The following TAS2R1 variants were observed in gnomAD, a reference collection of about 807,000 sequenced individuals.
TAS2R1 encodes the protein taste 2 receptor member 1, also known as taste receptor type 2 member 1.
For synonymous variants in TAS2R1, 141 were observed against 134.2 expected (o/e 1.05, Z -0.35); for missense variants, 370 against 353.4 (o/e 1.05, Z -0.38).
At chr5:9,857,980 G>A in the TAS2R1 span, among the ~76,000 whole-genome samples, 1 of 152,160 alleles carries the variant, frequency 6.6e-6, no homozygotes, top group Non-Finnish European at 1.5e-5. Flanking sequence ...GGGCCATGGG[G>A]GGTATTCTAG....
chr5:9,800,462 G>A, the TAS2R1 span, among the ~76,000 whole-genome samples: 3 of 152,156 alleles, frequency 2.0e-5, no homozygotes, highest in Non-Finnish European at 4.4e-5. Flanking sequence ...ATGGGAGGTG[G>A]TGAAATACAC....
the TAS2R1 span, among the ~76,000 whole-genome samples, chr5:9,794,168 G>A: frequency 6.6e-6 from 1 of 152,132 alleles, no homozygotes; most frequent in Non-Finnish European, 1.5e-5. Flanking sequence ...GCATATTAGA[G>A]CATGGGACTT....
At chr5:9,898,777 C>T in the TAS2R1 span, among the ~76,000 whole-genome samples, 1 of 152,178 alleles carries the variant, frequency 6.6e-6, no homozygotes, top group Admixed American at 6.5e-5. Flanking sequence ...CTGGGCCCTC[C>T]AGATTCCTGC....
At chr5:9,753,626 C>T in the TAS2R1 span, among the ~76,000 whole-genome samples, 3 of 152,078 alleles carry the variant, frequency 2.0e-5, no homozygotes, top group African/African-American at 7.2e-5. Context: ...CTTGCCCATG[C>T]CTATGTCCTG....
chr5:9,701,044 A>G (rs1448268495), intron 1 of TAS2R1, among the ~76,000 whole-genome samples: 2 of 141,772 alleles, frequency 1.4e-5, no homozygotes. Flanking sequence ...TTCTCAAAAA[A>G]ATGATGGAGT....
At chr5:9,848,024 A>G in the TAS2R1 span, among the ~76,000 whole-genome samples, 2 of 152,152 alleles carry the variant, frequency 1.3e-5, no homozygotes, top group African/African-American at 4.8e-5. Context: ...GTGTTTGAAC[A>G]CTCCCTCCAG....
chr5:9,869,148 C>T, the TAS2R1 span, among the ~76,000 whole-genome samples: 4 of 152,292 alleles, frequency 2.6e-5, no homozygotes, highest in South Asian at 8.3e-4. Flanking sequence ...TACCCAGTTC[C>T]AAAGTCACTT....
At chr5:9,723,919 T>C in the TAS2R1 span, among the ~76,000 whole-genome samples, 1 of 151,574 alleles carries the variant, frequency 6.6e-6, no homozygotes, top group Non-Finnish European at 1.5e-5. Context: ...AGAGGGCTCT[T>C]TCTTTGTTCT....
chr5:9,887,847 G>A, the TAS2R1 span, among the ~76,000 whole-genome samples: 1 of 152,142 alleles, frequency 6.6e-6, no homozygotes, highest in African/African-American at 2.4e-5. Context: ...GGGTCAATTT[G>A]CCTGACAAGA....
the TAS2R1 span, among the ~76,000 whole-genome samples, chr5:9,863,920 T>C: frequency 2.0e-5 from 3 of 152,196 alleles, no homozygotes; most frequent in African/African-American, 4.8e-5. Context: ...TGTACTCAAC[T>C]AATGGCTAAG....
chr5:9,702,244 T>C (rs893208298), intron 1 of TAS2R1, among the ~76,000 whole-genome samples: 3 of 152,224 alleles, frequency 2.0e-5, no homozygotes, highest in East Asian at 3.8e-4. Flanking sequence ...TCATTAACTA[T>C]GTATTTATTA....
chr5:9,829,524 T>C, the TAS2R1 span, among the ~76,000 whole-genome samples: 2 of 152,244 alleles, frequency 1.3e-5, no homozygotes, highest in Non-Finnish European at 2.9e-5. Flanking sequence ...GATCTCCTCT[T>C]GACCAAATTA....
At chr5:9,686,882 A>C (rs1186656414) in intron 1 of TAS2R1, among the ~76,000 whole-genome samples, 1 of 152,236 alleles carries the variant, frequency 6.6e-6, no homozygotes, top group Non-Finnish European at 1.5e-5. Context: ...ACAGAAAATG[A>C]CTATAGAAGT....
chr5:9,813,153 G>A, the TAS2R1 span, among the ~76,000 whole-genome samples: 1 of 152,124 alleles, frequency 6.6e-6, no homozygotes, highest in African/African-American at 2.4e-5. Flanking sequence ...ATTGGACACA[G>A]AGATACCCAT....
the TAS2R1 span, among the ~76,000 whole-genome samples, chr5:9,736,837 G>A: frequency 1.3e-5 from 2 of 152,064 alleles, no homozygotes; most frequent in Non-Finnish European, 2.9e-5. Context: ...TTAGCAAAAG[G>A]GCCTATGTCT....
the TAS2R1 span, among the ~76,000 whole-genome samples, chr5:9,729,984 G>A: frequency 6.6e-6 from 1 of 152,186 alleles, no homozygotes; most frequent in Non-Finnish European, 1.5e-5. Flanking sequence ...AAGGGGGCAA[G>A]AATTCACAAA....
intron 1 of TAS2R1, among the ~76,000 whole-genome samples, chr5:9,680,174 C>G: frequency 6.6e-6 from 1 of 152,036 alleles, no homozygotes. Flanking sequence ...ATTTGAAAAA[C>G]AAAATAATAA....
chr5:9,743,652 C>CA, the TAS2R1 span, among the ~76,000 whole-genome samples: 6,972 of 152,270 alleles, frequency 0.046, 163 homozygotes, highest in Non-Finnish European at 0.052. Flanking sequence ...CCCAAAACTG[C>CA]ATAAACATGA....
chr5:9,815,619 A>G, the TAS2R1 span, among the ~76,000 whole-genome samples: 1 of 152,032 alleles, frequency 6.6e-6, no homozygotes, highest in East Asian at 1.9e-4. Flanking sequence ...ATAGCAGGGG[A>G]TCCACAGCAA....
Sources: allele counts gnomAD v4.1 joint callset (sites outside exome capture counted in the v4.1 genomes callset), GRCh38; gene constraint gnomAD v4.1.1; transcripts MANE v1.5; gene names NCBI Gene and HGNC (gene_info 2026-07-23, HGNC 2026-07-21).